The following APLP1 variants were observed in gnomAD, a reference collection of about 807,000 sequenced individuals.
APLP1 encodes amyloid beta precursor like protein 1.
A neutral mutation model predicts 84.5 loss-of-function variants in APLP1; 46 were observed. The observed-to-expected ratio is 0.54, with a 90% CI of 0.43 to 0.70. The LOEUF (loss-of-function observed/expected upper bound fraction) is 0.70, where lower values mean the gene tolerates loss of function less well. Ranked by LOEUF, APLP1 falls within the 30% of genes least tolerant of loss-of-function variation. APLP1 has a pLI of 0.00. For synonymous variants in APLP1, 376 were observed against 364.0 expected (o/e 1.03, Z -0.38); for missense variants, 826 against 900.2 (o/e 0.92, Z 1.05).
In APLP1 at chr19:35,871,682, G is replaced by A. The variant is rs781528434; in HGVS notation, c.608G>A (p.Arg203His). The change falls in exon 5 of 17, where the codon CGT (arginine) becomes CAT (histidine). Residue 203 changes from arginine (R) to histidine (H), a missense_variant. Transcript: ENST00000221891. ...MLLPCGSDRF[R>H]GVEYVCCPPP... ...TTACCCTGTGGCTCGGATCGGTTCC[G>A]TGGTGTGGAGTATGTGTGCTGTCCC... is the stretch of plus-strand genomic sequence containing the variant. 17 of 1,613,938 alleles carry A rather than the reference G, an allele frequency of 1.1e-5. No homozygotes were observed. In the East Asian group the frequency reaches 2.0e-4, roughly 19 times the overall value.
chr19:35,876,462 T>G, intron 10 of APLP1, 55 bp from the exon 11 acceptor site: 2 of 1,464,926 alleles, frequency 1.4e-6, no homozygotes, highest in Non-Finnish European at 1.9e-6. Context: ...TGCTTCAGTT[T>G]CCTCATCTCC....
At chr19:35,878,504 C>G in intron 13 of APLP1, 80 bp from the exon 14 acceptor site, 1 of 1,433,788 alleles carries the variant, frequency 7.0e-7, no homozygotes. Context: ...TGAGATCATG[C>G]CACTGCACTC....
At position 35,874,995 on chromosome 19, in the gene APLP1, T is replaced by C; in HGVS notation, c.1344+126T>C. The C allele has an allele frequency of 7.6e-7, 1 of 1,312,540 alleles. No individual in the cohort carries two copies. Among genetic ancestry groups the C allele is most frequent in the Non-Finnish European group, 1.0e-6 (1 of 977,200 alleles). 81.3% of individuals were successfully genotyped at this position (1,312,540 alleles called of 1,614,324 possible). A position where few individuals can be genotyped will look rare whatever the true frequency, so the allele number is the denominator to read the frequency against. ...CCCCTTCCTATCCCCTGAACACCGC[T>C]TCTCTGCCCCTTCCCAGTCTCTCAG... On this transcript the variant is annotated intron_variant, in intron 10 of 16. Transcript: ENST00000221891. This position sits in a 1 kb window ranked among gnomAD's most constrained non-coding sequence, Gnocchi z 6.4.
At position 35,871,762 on chromosome 19, in the gene APLP1, C is replaced by T; in HGVS notation, c.671+17C>T. ...AGCAGTTGGGTGAGTGGGAGGGAACCCTCCATGCCCATCTCAAGGTTCCTG... is the reference window on the plus strand; with the variant it reads ...AGCAGTTGGGTGAGTGGGAGGGAACTCTCCATGCCCATCTCAAGGTTCCTG... On this transcript the variant is annotated intron_variant, in intron 5 of 16. Transcript: ENST00000221891. 3 of 1,613,948 alleles carry T rather than the reference C, an allele frequency of 1.9e-6. No individual in the cohort carries two copies. The highest frequency in any genetic ancestry group is 1.3e-5 in the African/African-American group (1 of 75,028).
chr19:35,869,880 G>T (rs1974098931), intron 2 of APLP1, 70 bp downstream of exon 2: 8 of 1,525,198 alleles, frequency 5.2e-6, no homozygotes, highest in Non-Finnish European at 6.1e-6. Flanking sequence ...CGTGGTCCAG[G>T]GTGCTGCGCG....
At position 35,878,608 on chromosome 19, in the gene APLP1, C is replaced by T. The variant is rs757232535; in HGVS notation, c.1604C>T (p.Ser535Phe). The T allele has an allele frequency of 1.9e-6, 3 of 1,613,878 alleles. No homozygotes were observed. The highest frequency in any genetic ancestry group is 1.7e-5 in the Admixed American group (1 of 59,986). Reference protein sequence around the residue: ...PKGSTEQDAASPEKEKMNPLE... With the variant: ...PKGSTEQDAAFPEKEKMNPLE... ...GGGTCCACAGAACAAGATGCTGCAT[C>T]CCCTGAGAAAGAGAAGATGAACCCG... The change falls in exon 14 of 17, where the codon TCC becomes TTC. Residue 535 changes from serine (S) to phenylalanine (F), a missense_variant. Physicochemically the swap from Ser to Phe is radical, Grantham distance 155. Coordinates refer to ENST00000221891, the MANE Select transcript of APLP1 (RefSeq NM_001024807.3).
Position 35,874,823 on chromosome 19 carries a change from A to T in APLP1, c.1298A>T (p.His433Leu). 1.2e-6 allele frequency: 2 copies of T among 1,612,196 alleles called. No homozygotes were observed. The highest frequency in any genetic ancestry group is 1.7e-6 in the Non-Finnish European group (2 of 1,179,996). The change falls in exon 10 of 17, where the codon CAT (histidine) becomes CTT (leucine). Residue 433 changes from histidine to leucine, a missense_variant. Around this residue, in one of 3 missense-constraint regions of APLP1, gnomAD observed 433 missense variants for 496.5 expected, o/e 0.87. Transcript: ENST00000221891. This position sits in a 1 kb window ranked among gnomAD's most constrained non-coding sequence, Gnocchi z 6.4. ...EQRHTLRHYQ[H>L]VAAVDPEKAQ... Reference sequence around the variant, plus strand: ...AGGCACACGCTGCGCCACTACCAGCATGTGGCCGCCGTGGATCCCGAGAAG... The same window carrying T: ...AGGCACACGCTGCGCCACTACCAGCTTGTGGCCGCCGTGGATCCCGAGAAG...
At chr19:35,873,854 T>G (rs1314485168) in intron 8 of APLP1, 141 bp downstream of exon 8, 1 of 751,120 alleles carries the variant, frequency 1.3e-6, no homozygotes, top group Non-Finnish European at 2.3e-6. Context: ...CATGCCTACA[T>G]GCAGCTCTGC....
chr19:35,879,444 C>A lies in APLP1; in HGVS notation c.*3C>A. 6.2e-7 allele frequency: 1 copy of A among 1,612,686 alleles called. No homozygotes were observed. Among genetic ancestry groups the A allele is most frequent in the South Asian group, 1.1e-5 (1 of 91,006 alleles). On this transcript the variant is annotated 3_prime_UTR_variant, in exon 17 of 17. Transcript: ENST00000221891. ...GCTTCCTGGAGGAACGACCCTGACC[C>A]GGCCCCCTTCACCCCTTCAGCCGAG...
chr19:35,873,007 C>T (rs1310746780), intron 7 of APLP1, among the ~76,000 whole-genome samples: 2 of 151,960 alleles, frequency 1.3e-5, no homozygotes, highest in Non-Finnish European at 2.9e-5. Context: ...TTACAGGCAC[C>T]CACCACCACG....
At chr19:35,870,120 A>T in intron 2 of APLP1, 3 of 327,042 alleles carry the variant, frequency 9.2e-6, no homozygotes, top group Non-Finnish European at 1.7e-5. Context: ...GACCAGCAAG[A>T]TGGGGAAAGG....
rs201351812 is a variant in APLP1 at position 35,874,544 on chromosome 19, C to G, written c.1097C>G (p.Ser366Cys). 153 of 1,614,052 alleles carry G rather than the reference C, an allele frequency of 9.5e-5. No homozygotes were observed. Among genetic ancestry groups the G allele is most frequent in the Non-Finnish European group, 1.2e-4 (145 of 1,180,026 alleles). The change falls in exon 9 of 17, where the codon TCT (serine) becomes TGT (cysteine). Residue 366 changes from serine to cysteine, a missense_variant. Coordinates refer to ENST00000221891, the MANE Select transcript of APLP1 (RefSeq NM_001024807.3). The surrounding 1 kb of genome is among the most constrained non-coding windows in gnomAD (Gnocchi z 6.4). ...CTGCAGACTCTGGAGGAGCAGGTGTCTGGTGAGCGACAGCGCCTGGTGGAA... is the reference window on the plus strand; with the variant it reads ...CTGCAGACTCTGGAGGAGCAGGTGTGTGGTGAGCGACAGCGCCTGGTGGAA... Reference protein sequence around the residue: ...SILQTLEEQVSGERQRLVETH... With the variant: ...SILQTLEEQVCGERQRLVETH...
chr19:35,876,512 C>A lies in APLP1; in HGVS notation c.1345-5C>A. 6.2e-7 allele frequency: 1 copy of A among 1,612,356 alleles called. No individual in the cohort carries two copies. The highest frequency in any genetic ancestry group is 1.1e-5 in the South Asian group (1 of 91,032). On this transcript the variant is annotated splice_region_variant and splice_polypyrimidine_tract_variant and intron_variant, in intron 10 of 16. Transcript: ENST00000221891. ...AGTTCATCCTTCATGTCCACTCACC[C>A]ACAGGTGCATACCCACCTTCAAGTG...
chr19:35,879,029 C>A, intron 15 of APLP1, 45 bp from the exon 16 acceptor site: 1 of 1,613,366 alleles, frequency 6.2e-7, no homozygotes, highest in Non-Finnish European at 8.5e-7. Context: ...CAAAGCCACA[C>A]AGGACCCTCA....
chr19:35,877,488 C>CA (rs1249622069), intron 11 of APLP1, among the ~76,000 whole-genome samples: 3,037 of 92,702 alleles, frequency 0.033, 82 homozygotes, highest in Admixed American at 0.067. Flanking sequence ...GACTCTGTCT[C>CA]AAAAAAAAAA....
rs2146899962 is a variant in APLP1 at position 35,869,816 on chromosome 19, C to A, written c.291+6C>A. ...TGCTGGAGTACTGCAGACAGGTGGG[C>A]GGGGCCGAACGGGAGAGGCGGGGCC... On this transcript the variant is annotated splice_donor_region_variant and intron_variant, in intron 2 of 16. Transcript: ENST00000221891. 6.3e-7 allele frequency: 1 copy of A among 1,584,650 alleles called. No homozygotes were observed. The highest frequency in any genetic ancestry group is 8.6e-7 in the Non-Finnish European group (1 of 1,167,080).
intron 2 of APLP1, 63 bp downstream of exon 2, chr19:35,869,873 G>C: frequency 6.5e-7 from 1 of 1,534,552 alleles, no homozygotes; most frequent in South Asian, 1.2e-5. Flanking sequence ...AAAAAGGCGT[G>C]GTCCAGGGTG....
intron 1 of APLP1, chr19:35,869,406 T>C (rs746745266): frequency 1.4e-4 from 88 of 640,318 alleles, no homozygotes; most frequent in Non-Finnish European, 2.3e-4. Context: ...GCGGCTGCGC[T>C]GGGGTGGGGG....
intron 14 of APLP1, 86 bp downstream of exon 14, chr19:35,878,740 T>G: frequency 6.4e-7 from 1 of 1,553,972 alleles, no homozygotes; most frequent in Non-Finnish European, 8.9e-7. Flanking sequence ...TGCTGGGGGC[T>G]TGGATTCCTT....
Sources: gnomAD v4.1 joint callset for allele counts (sites outside exome capture counted in the v4.1 genomes callset) on GRCh38, gnomAD v4.1.1 for gene constraint, gnomAD v4.1.1 regional missense constraint, Gnocchi (gnomAD v3.1) non-coding constraint, MANE v1.5 for transcripts, NCBI Gene and HGNC (gene_info 2026-07-23, HGNC 2026-07-21) for gene names.